COL4A1: variants seen among roughly 807,000 people sequenced by gnomAD.
The protein encoded by COL4A1 is collagen type IV alpha 1 chain.
Under a neutral mutation model 216.6 loss-of-function variants are expected in COL4A1, and 40 were observed. That is an observed-to-expected ratio of 0.18 (90% CI 0.14 to 0.24). The LOEUF is 0.24. Among genes scored for constraint, COL4A1 ranks in the 10% least tolerant of loss-of-function variants. COL4A1 has a pLI of 1.00. For missense variants in COL4A1, 1,628 were observed against 2,196.8 expected (o/e 0.74, Z 5.18); for synonymous variants, 839 against 810.7 (o/e 1.03, Z -0.59).
intron 22 of COL4A1, among the ~76,000 whole-genome samples, chr13:110,194,185 G>A (rs1197256434): frequency 7.9e-5 from 12 of 152,162 alleles, no homozygotes; most frequent in Admixed American, 1.3e-4. Flanking sequence ...GCCCAAGATC[G>A]CTTCCATTTC....
chr13:110,240,568 C>T (rs1440049256), intron 2 of COL4A1, among the ~76,000 whole-genome samples: 4 of 152,270 alleles, frequency 2.6e-5, no homozygotes, highest in Non-Finnish European at 5.9e-5. Flanking sequence ...GCACAGACCT[C>T]GCCTGGCCAG....
At chr13:110,218,255 A>G (rs1397128601) in intron 2 of COL4A1, among the ~76,000 whole-genome samples, 1 of 152,120 alleles carries the variant, frequency 6.6e-6, no homozygotes, top group Non-Finnish European at 1.5e-5. Flanking sequence ...TCTTTAAATC[A>G]AAATTTTAAT....
chr13:110,183,298 G>C, intron 26 of COL4A1, 22 bp from the exon 27 acceptor site: 1 of 1,604,082 alleles, frequency 6.2e-7, no homozygotes, highest in Non-Finnish European at 8.5e-7. Context: ...AAAGAGCAAA[G>C]ACAAACGATG....
chr13:110,210,592 A>G (rs1362523833), intron 8 of COL4A1, among the ~76,000 whole-genome samples: 1 of 152,246 alleles, frequency 6.6e-6, no homozygotes, highest in Non-Finnish European at 1.5e-5. Flanking sequence ...GAAAAGGCTC[A>G]GGATGAATAC....
chr13:110,273,144 C>A (rs1036027214), intron 1 of COL4A1, among the ~76,000 whole-genome samples: 1 of 152,220 alleles, frequency 6.6e-6, no homozygotes, highest in Non-Finnish European at 1.5e-5. Context: ...ACCTACTGGG[C>A]CTTTGGGGCA....
intron 1 of COL4A1, among the ~76,000 whole-genome samples, chr13:110,300,569 G>C (rs890207950): frequency 6.6e-6 from 1 of 152,196 alleles, no homozygotes; most frequent in Non-Finnish European, 1.5e-5. Flanking sequence ...ATTTAAGTTA[G>C]CTGCACTCTC....
rs866088440 is a variant in COL4A1, at chr13:110,211,222, G to C, written c.468+425C>G. Among the ~76,000 whole-genome samples the C allele has an allele frequency of 1.3e-5, 2 of 152,142 alleles. No homozygotes were observed. The highest frequency in any genetic ancestry group is 2.9e-5 in the Non-Finnish European group (2 of 68,018). ...CCCCGCCCTGTGCCCAAGCACAGCC[G>C]ACACATTACATGACTGCACAGTCTG... On this transcript the variant is annotated intron_variant, in intron 8 of 51. Transcript: ENST00000375820. This position sits in a 1 kb window ranked among gnomAD's most constrained non-coding sequence, Gnocchi z 4.3.
chr13:110,281,405 C>A lies in COL4A1; in HGVS notation c.84+25539G>T, dbSNP rs145686082. On this transcript the variant is annotated intron_variant, in intron 1 of 51. Coordinates refer to ENST00000375820, the MANE Select transcript of COL4A1 (RefSeq NM_001845.6). ...AATACTTTATGAACAGTAATTAATT[C>A]TTGAGAAGGACCAAAGGAGAACCCA... Among the ~76,000 whole-genome samples the A allele has an allele frequency of 6.5e-3, 983 of 152,168 alleles. 7 individuals carry two copies. The highest frequency in any genetic ancestry group is 0.011 in the Non-Finnish European group (731 of 68,018).
intron 49 of COL4A1, among the ~76,000 whole-genome samples, chr13:110,158,721 A>G (rs1204421): frequency 0.29 from 43,010 of 149,000 alleles, 7,077 homozygotes; most frequent in East Asian, 0.46. Flanking sequence ...TTATTTCTGA[A>G]TATTTCTAAG....
chr13:110,231,859 C>A (rs990257408), intron 2 of COL4A1, among the ~76,000 whole-genome samples: 8 of 152,206 alleles, frequency 5.3e-5, no homozygotes, highest in African/African-American at 1.9e-4. Context: ...GTGGATTTCT[C>A]ACCTAGGAGG....
At chr13:110,214,695 T>C (rs76519176) in intron 2 of COL4A1, among the ~76,000 whole-genome samples, 12,821 of 152,224 alleles carry the variant, frequency 0.084, 538 homozygotes, top group African/African-American at 0.1. Flanking sequence ...CAGGGACTTG[T>C]ACCACTAGCC....
chr13:110,259,877 T>A (rs566346178), intron 1 of COL4A1, among the ~76,000 whole-genome samples: 2 of 151,956 alleles, frequency 1.3e-5, no homozygotes, highest in Non-Finnish European at 2.9e-5. Context: ...TCGGCTGACA[T>A]GCATGGCATA....
chr13:110,173,771 A>G (rs1241257582), intron 40 of COL4A1, 129 bp downstream of exon 40: 2 of 1,003,556 alleles, frequency 2.0e-6, no homozygotes, highest in Admixed American at 3.9e-5. Context: ...TCAGTGTTTA[A>G]GTAGTTGCAG....
intron 4 of COL4A1, among the ~76,000 whole-genome samples, chr13:110,213,137 T>C (rs1017380227): frequency 3.3e-5 from 5 of 151,834 alleles, no homozygotes; most frequent in African/African-American, 1.2e-4. Context: ...TGGAAGGAGG[T>C]GAGGGATCAA....
chr13:110,296,035 G>A (rs1884262221), intron 1 of COL4A1, among the ~76,000 whole-genome samples: 1 of 152,220 alleles, frequency 6.6e-6, no homozygotes, highest in Admixed American at 6.5e-5. Context: ...TAAGAGACCA[G>A]AGAAAGTTCT....
At chr13:110,164,230 T>C (rs1271255832) in intron 46 of COL4A1, among the ~76,000 whole-genome samples, 1 of 152,026 alleles carries the variant, frequency 6.6e-6, no homozygotes, top group Non-Finnish European at 1.5e-5. Context: ...TGGGCTCAAG[T>C]GATCCTCCCA....
intron 29 of COL4A1, 104 bp from the exon 30 acceptor site, chr13:110,179,525 TA>T: frequency 6.6e-7 from 1 of 1,506,754 alleles, no homozygotes. Context: ...CCAATGCATT[TA>T]GTAAGAATAT....
intron 2 of COL4A1, among the ~76,000 whole-genome samples, chr13:110,219,870 G>GTGTATATATGTGTGTA (rs1880361870): frequency 9.7e-6 from 1 of 103,510 alleles, no homozygotes; most frequent in Non-Finnish European, 2.0e-5. Context: ...ATATGTGTGT[G>GTGTATATATGTGTGTA]TATATATGTA....
intron 47 of COL4A1, 126 bp from the exon 48 acceptor site, chr13:110,162,568 T>C: frequency 1.3e-6 from 1 of 781,236 alleles, no homozygotes. Flanking sequence ...CCTATTCATG[T>C]TACCAAAAAA....
Sources: gnomAD v4.1 joint callset for allele counts (sites outside exome capture counted in the v4.1 genomes callset) on GRCh38, gnomAD v4.1.1 for gene constraint, Gnocchi (gnomAD v3.1) non-coding constraint, MANE v1.5 for transcripts, NCBI Gene and HGNC (gene_info 2026-07-23, HGNC 2026-07-21) for gene names.